The following PAPPA variants were observed in gnomAD, a reference collection of about 807,000 sequenced individuals.
PAPPA encodes pappalysin 1.
A neutral mutation model predicts 164.0 loss-of-function variants in PAPPA; 60 were observed. The ratio of observed to expected loss-of-function variants is 0.37; its 90% CI spans 0.30 to 0.45. The LOEUF is 0.45. Among genes scored for constraint, PAPPA ranks in the 20% least tolerant of loss-of-function variants. PAPPA has a pLI of 1.00. For missense variants in PAPPA, 1,782 were observed against 2,087.3 expected (o/e 0.85, Z 2.85); for synonymous variants, 875 against 814.1 (o/e 1.07, Z -1.27).
chr9:116,386,416 T>TATTGC (rs1846812659), intron 21 of PAPPA, among the ~76,000 whole-genome samples: 1 of 152,218 alleles, frequency 6.6e-6, no homozygotes, highest in Non-Finnish European at 1.5e-5. Flanking sequence ...CTAAGTGAAC[T>TATTGC]ATTGCATATT....
Position 116,297,868 on chromosome 9 carries a change from T to G in PAPPA, c.2954-4889T>G, listed in dbSNP as rs535080201. Among the ~76,000 whole-genome samples the G allele has an allele frequency of 2.0e-5, 3 of 152,334 alleles. No individual in the cohort carries two copies. In the South Asian group the frequency reaches 6.2e-4, roughly 32 times the overall value. ...CCAGTATTATTTTCCCATCTCAGTC[T>G]GTTATGCTATTTGATCATCCTCAGA... On this transcript the variant is annotated intron_variant, in intron 9 of 21. Transcript: ENST00000328252.
chr9:116,369,220 T>G (rs1454975852), intron 19 of PAPPA, among the ~76,000 whole-genome samples: 1 of 152,114 alleles, frequency 6.6e-6, no homozygotes, highest in African/African-American at 2.4e-5. Flanking sequence ...CCTCAAGCTC[T>G]TTCATCTGTT....
intron 9 of PAPPA, among the ~76,000 whole-genome samples, chr9:116,297,782 T>A (rs1587992648): frequency 6.6e-6 from 1 of 152,350 alleles, no homozygotes; most frequent in East Asian, 1.9e-4. Context: ...TTAAGAAGAC[T>A]TCTTCTCCAA....
intron 9 of PAPPA, among the ~76,000 whole-genome samples, chr9:116,296,866 T>C (rs1001393448): frequency 6.6e-6 from 1 of 152,066 alleles, no homozygotes; most frequent in Non-Finnish European, 1.5e-5. Context: ...GTGTTTATTT[T>C]TTTTTTGAGA....
intron 1 of PAPPA, among the ~76,000 whole-genome samples, chr9:116,178,756 CCATTTTA>C (rs1316863798): frequency 6.6e-6 from 1 of 152,192 alleles, no homozygotes; most frequent in Non-Finnish European, 1.5e-5. Context: ...TGTATCATCC[CCATTTTA>C]CAGATGGGGA....
At chr9:116,315,895 G>A (rs1845782093) in intron 10 of PAPPA, among the ~76,000 whole-genome samples, 1 of 152,198 alleles carries the variant, frequency 6.6e-6, no homozygotes, top group Admixed American at 6.5e-5. Flanking sequence ...TAAAGAGAAT[G>A]GCTTGGCTGT....
intron 20 of PAPPA, among the ~76,000 whole-genome samples, chr9:116,380,054 A>AG (rs1350962595): frequency 2.0e-5 from 3 of 152,166 alleles, no homozygotes; most frequent in African/African-American, 7.2e-5. Flanking sequence ...CTCCCTGTCT[A>AG]GATCAAATCT....
Position 116,154,263 on chromosome 9 carries a change from G to A in PAPPA, c.91G>A (p.Asp31Asn), listed in dbSNP as rs1400053572. 3 of 1,177,956 alleles carry A rather than the reference G, an allele frequency of 2.5e-6. No individual in the cohort carries two copies. The highest frequency in any genetic ancestry group is 3.3e-5 in the African/African-American group (2 of 60,868). The allele number at this position is 1,177,956 out of a possible 1,614,324, so 73.0% of individuals were successfully genotyped here. A position where few individuals can be genotyped will look rare whatever the true frequency, so the allele number is the denominator to read the frequency against. ...CGAGCGTCCCCGCCGGGCCCGGAGA[G>A]ACCCGCGGGCCGGCCGACCCCCGCG... ...LAERPRRARR[D>N]PRAGRPPRPA... is the part of the protein sequence containing the mutation. The change falls in exon 1 of 22, where the codon GAC becomes AAC. Residue 31 changes from aspartate to asparagine, a missense_variant. Asp to Asn is a conservative substitution (Grantham distance 23). This residue lies in a region of PAPPA where 458 missense variants were observed against 430.3 expected (regional missense o/e 1.06). Transcript: ENST00000328252. This position sits in a 1 kb window ranked among gnomAD's most constrained non-coding sequence, Gnocchi z 5.2.
chr9:116,285,509 C>T (rs1845327200), intron 9 of PAPPA, among the ~76,000 whole-genome samples: 1 of 152,116 alleles, frequency 6.6e-6, no homozygotes, highest in South Asian at 2.1e-4. Flanking sequence ...TCACAGTGTC[C>T]CCCTGCTGGA....
At chr9:116,196,969 A>C (rs1844112941) in intron 2 of PAPPA, among the ~76,000 whole-genome samples, 1 of 152,198 alleles carries the variant, frequency 6.6e-6, no homozygotes, top group African/African-American at 2.4e-5. Context: ...ACTCCACAAA[A>C]TCATGAAGTA....
intron 13 of PAPPA, among the ~76,000 whole-genome samples, chr9:116,336,439 T>G (rs1846063113): frequency 6.6e-6 from 1 of 152,210 alleles, no homozygotes; most frequent in African/African-American, 2.4e-5. Context: ...GAGGATGTTT[T>G]CCACAAGCCC....
At chr9:116,278,561 C>T (rs1845229303) in intron 9 of PAPPA, among the ~76,000 whole-genome samples, 1 of 152,142 alleles carries the variant, frequency 6.6e-6, no homozygotes, top group South Asian at 2.1e-4. Context: ...TGTTCCATGG[C>T]ATAAAGCTCA....
At chr9:116,265,141 G>A (rs1009348494) in intron 7 of PAPPA, among the ~76,000 whole-genome samples, 11 of 152,166 alleles carry the variant, frequency 7.2e-5, no homozygotes, top group Non-Finnish European at 1.3e-4. Flanking sequence ...ATGATTGTAA[G>A]CAAGTTGCTT....
At chr9:116,321,315 C>T (rs1466800753) in intron 10 of PAPPA, among the ~76,000 whole-genome samples, 1 of 152,222 alleles carries the variant, frequency 6.6e-6, no homozygotes. Context: ...GCGTGAGCCA[C>T]CGCGCCTGGC....
chr9:116,353,202 A>G (rs1846307178), intron 16 of PAPPA, among the ~76,000 whole-genome samples: 1 of 152,196 alleles, frequency 6.6e-6, no homozygotes, highest in Admixed American at 6.5e-5. Context: ...GGGGTATGAT[A>G]ATAACAGTTA....
chr9:116,272,237 C>A (rs1845145798), intron 9 of PAPPA, among the ~76,000 whole-genome samples: 1 of 152,118 alleles, frequency 6.6e-6, no homozygotes. Context: ...AAATCGATAC[C>A]TGAAGATCAA....
In PAPPA at chr9:116,352,217, G is replaced by A. The variant is rs565203842; in HGVS notation, c.3965-489G>A. ...TTCCAGGCATTGGTGGTGGGAGCTG[G>A]GGGAGGTGGTAGGCAGGACAGATAC... is the stretch of plus-strand genomic sequence containing the variant. On this transcript the variant is annotated intron_variant, in intron 15 of 21. Transcript: ENST00000328252. 2.2e-3 allele frequency among the ~76,000 whole-genome samples: 332 copies of A among 152,280 alleles called. 3 individuals are homozygous for A. Among genetic ancestry groups the A allele is most frequent in the African/African-American group, 7.7e-3 (318 of 41,550 alleles).
intron 17 of PAPPA, among the ~76,000 whole-genome samples, chr9:116,355,069 G>A (rs1024970321): frequency 9.9e-5 from 15 of 152,120 alleles, no homozygotes; most frequent in African/African-American, 3.1e-4. Context: ...TTCCACTGCC[G>A]GGCTCCGTGC....
rs540647308 is a variant in PAPPA, at chr9:116,225,918, G to T, written c.2112-1513G>T. On this transcript the variant is annotated intron_variant, in intron 5 of 21. Coordinates refer to ENST00000328252, the MANE Select transcript of PAPPA (RefSeq NM_002581.5). ...ACCAACATTATAAGATAAGTTGTGTGCTGTGCTGTGTGAAATAAAAAGATG... is the reference window on the plus strand; with the variant it reads ...ACCAACATTATAAGATAAGTTGTGTTCTGTGCTGTGTGAAATAAAAAGATG... 4.6e-5 allele frequency among the ~76,000 whole-genome samples: 7 copies of T among 152,228 alleles called. No homozygotes were observed. In the East Asian group the frequency reaches 1.4e-3, roughly 29 times the overall value.
Sources: allele counts gnomAD v4.1 joint callset (sites outside exome capture counted in the v4.1 genomes callset), GRCh38; gene constraint gnomAD v4.1.1; regional missense constraint gnomAD v4.1.1; non-coding constraint Gnocchi (gnomAD v3.1); transcripts MANE v1.5; gene names NCBI Gene and HGNC (gene_info 2026-07-23, HGNC 2026-07-21).